MYO10: variants seen among roughly 807,000 people sequenced by gnomAD.
MYO10 encodes the protein unconventional myosin-X.
In MYO10, 133 loss-of-function variants were observed where a neutral mutation model predicts 257.3. That is an observed-to-expected ratio of 0.52 (90% CI 0.45 to 0.60). The LOEUF (loss-of-function observed/expected upper bound fraction) is 0.60, where lower values mean the gene tolerates loss of function less well. Among genes scored for constraint, MYO10 ranks in the 20% least tolerant of loss-of-function variants. The probability of loss-of-function intolerance (pLI) is 0.00; values close to 1 mark genes in which losing one functional copy is unlikely to be tolerated. For synonymous variants in MYO10, 1,104 were observed against 1,028.6 expected, an observed-to-expected ratio of 1.07 and a Z score of -1.40; for missense variants, 2,399 against 2,635.7, an observed-to-expected ratio of 0.91 and a Z score of 1.97.
chr5:16,735,630 C>G (rs552359386), intron 19 of MYO10, among the ~76,000 whole-genome samples: 1 of 150,414 alleles, frequency 6.6e-6, no homozygotes, highest in Admixed American at 6.7e-5. Flanking sequence ...GAGGTCAAGG[C>G]TGCAGTGAGC....
At chr5:16,907,566 G>A (rs777657561) in intron 1 of MYO10, among the ~76,000 whole-genome samples, 6 of 152,064 alleles carry the variant, frequency 3.9e-5, no homozygotes, top group African/African-American at 1.2e-4. Flanking sequence ...AAATGAGCCC[G>A]GGCACTAACA....
intron 1 of MYO10, among the ~76,000 whole-genome samples, chr5:16,934,051 T>C (rs1231269280): frequency 6.6e-6 from 1 of 152,236 alleles, no homozygotes; most frequent in Admixed American, 6.5e-5. Context: ...AGAAGATCAC[T>C]AATGGCCAAC....
Position 16,835,911 on chromosome 5 carries a change from C to G in MYO10, c.121-17744G>C, listed in dbSNP as rs1440270743. Among the ~76,000 whole-genome samples, 6 of 152,058 alleles carry G rather than the reference C, an allele frequency of 3.9e-5. No homozygotes were observed. The East Asian group carries it at 1.2e-3, about 29-fold the overall frequency. On this transcript the variant is annotated intron_variant, in intron 2 of 40. Coordinates refer to ENST00000513610, the MANE Select transcript of MYO10 (RefSeq NM_012334.3). ...ATAATAAAAATAAGGTCACTTGTTCCCCCTACTCCTCTCAAATGTGTCAAC... is the reference window on the plus strand; with the variant it reads ...ATAATAAAAATAAGGTCACTTGTTCGCCCTACTCCTCTCAAATGTGTCAAC...
intron 2 of MYO10, among the ~76,000 whole-genome samples, chr5:16,827,280 A>C (rs1743028883): frequency 6.6e-6 from 1 of 152,098 alleles, no homozygotes; most frequent in Non-Finnish European, 1.5e-5. Context: ...CTAGGGGTTA[A>C]CATTATCTTT....
chr5:16,868,198 A>G (rs1744341127), intron 2 of MYO10, among the ~76,000 whole-genome samples: 1 of 152,266 alleles, frequency 6.6e-6, no homozygotes, highest in Non-Finnish European at 1.5e-5. Context: ...AGAGTGCTAC[A>G]GTGACTGCTC....
chr5:16,760,290 A>G (rs939501214), intron 17 of MYO10, among the ~76,000 whole-genome samples: 10 of 135,656 alleles, frequency 7.4e-5, no homozygotes, highest in Admixed American at 1.5e-4. Flanking sequence ...TCTCTACTAA[A>G]GATACAAAAA....
chr5:16,827,266 T>C (rs893422027), intron 2 of MYO10, among the ~76,000 whole-genome samples: 9 of 152,098 alleles, frequency 5.9e-5, no homozygotes, highest in African/African-American at 1.4e-4. Context: ...CTAGTTACTA[T>C]AGCCTAGGGG....
chr5:16,844,385 C>T (rs568648642), intron 2 of MYO10, among the ~76,000 whole-genome samples: 8 of 152,046 alleles, frequency 5.3e-5, no homozygotes, highest in African/African-American at 9.7e-5. Context: ...CTTTCTCCAA[C>T]GATTTATCTA....
chr5:16,763,587 T>C (rs373714631), intron 13 of MYO10, 40 bp from the exon 14 acceptor site: 161 of 1,590,704 alleles, frequency 1.0e-4, no homozygotes, highest in Non-Finnish European at 1.3e-4. Flanking sequence ...AATGAAAACA[T>C]AGCTTCAAAA....
chr5:16,682,799 AAAAT>A (rs989181202), intron 30 of MYO10, among the ~76,000 whole-genome samples: 39 of 152,280 alleles, frequency 2.6e-4, no homozygotes, highest in African/African-American at 8.9e-4. Flanking sequence ...TTAAAAATAA[AAAAT>A]AAAAAAAGCC....
At chr5:16,849,078 C>A (rs1406955246) in intron 2 of MYO10, among the ~76,000 whole-genome samples, 3 of 152,158 alleles carry the variant, frequency 2.0e-5, no homozygotes, top group Non-Finnish European at 4.4e-5. Context: ...CCGTCAGCCT[C>A]CCAAGTAGCT....
At chr5:16,850,551 C>G (rs892194218) in intron 2 of MYO10, among the ~76,000 whole-genome samples, 1 of 152,078 alleles carries the variant, frequency 6.6e-6, no homozygotes, top group Non-Finnish European at 1.5e-5. Context: ...GCTGGGATTA[C>G]AGGTGTGAGC....
intron 2 of MYO10, among the ~76,000 whole-genome samples, chr5:16,871,004 TTG>T (rs979777716): frequency 2.6e-5 from 4 of 152,206 alleles, no homozygotes; most frequent in East Asian, 1.9e-4. Context: ...ATTTCCTCTG[TTG>T]TGTGTGTGTT....
intron 19 of MYO10, among the ~76,000 whole-genome samples, chr5:16,717,610 C>G (rs1379378020): frequency 6.6e-6 from 1 of 152,222 alleles, no homozygotes; most frequent in African/African-American, 2.4e-5. Context: ...TTTAGAAAAT[C>G]AAATTGCAAA....
intron 1 of MYO10, among the ~76,000 whole-genome samples, chr5:16,897,891 G>A (rs187682422): frequency 2.6e-5 from 4 of 152,298 alleles, no homozygotes; most frequent in Non-Finnish European, 5.9e-5. Context: ...AACCATTCTC[G>A]CCAACCAACT....
intron 1 of MYO10, among the ~76,000 whole-genome samples, chr5:16,889,016 C>T (rs1421947961): frequency 6.6e-6 from 1 of 151,576 alleles, no homozygotes. Context: ...CTGCAAAAAA[C>T]ATAAAAATTA....
At chr5:16,711,559 G>A (rs1230107510) in intron 19 of MYO10, among the ~76,000 whole-genome samples, 6 of 152,326 alleles carry the variant, frequency 3.9e-5, no homozygotes, top group East Asian at 3.9e-4. Flanking sequence ...CGAGGCGGGT[G>A]GATCACAAGG....
chr5:16,869,652 G>C (rs1309761764), intron 2 of MYO10, among the ~76,000 whole-genome samples: 1 of 151,648 alleles, frequency 6.6e-6, no homozygotes, highest in African/African-American at 2.4e-5. Flanking sequence ...ATCACCTGAG[G>C]TCAGGAGTTC....
At chr5:16,896,583 G>T (rs1163201611) in intron 1 of MYO10, among the ~76,000 whole-genome samples, 1 of 151,912 alleles carries the variant, frequency 6.6e-6, no homozygotes, top group South Asian at 2.1e-4. Context: ...ACAAAGCAAG[G>T]CTCCATCTCA....
Sources: allele counts gnomAD v4.1 joint callset (sites outside exome capture counted in the v4.1 genomes callset), GRCh38; gene constraint gnomAD v4.1.1; transcripts MANE v1.5; gene names NCBI Gene and HGNC (gene_info 2026-07-23, HGNC 2026-07-21).